MTA3: variants seen among roughly 807,000 people sequenced by gnomAD.
MTA3 encodes metastasis-associated protein MTA3.
In MTA3, 34 loss-of-function variants were observed where a neutral mutation model predicts 83.5. The ratio of observed to expected loss-of-function variants is 0.41; its 90% CI spans 0.31 to 0.54. The LOEUF (loss-of-function observed/expected upper bound fraction) is 0.54, where lower values mean the gene tolerates loss of function less well. Ranked by LOEUF, MTA3 falls within the 20% of genes least tolerant of loss-of-function variation. The probability of loss-of-function intolerance (pLI) is 0.33; values close to 1 mark genes in which losing one functional copy is unlikely to be tolerated. For synonymous variants in MTA3, 303 were observed against 252.7 expected (o/e 1.20, Z -1.89); for missense variants, 761 against 726.4 (o/e 1.05, Z -0.55).
chr2:42,677,703 C>T (rs1691510126), intron 8 of MTA3, among the ~76,000 whole-genome samples: 1 of 152,100 alleles, frequency 6.6e-6, no homozygotes, highest in Non-Finnish European at 1.5e-5. Flanking sequence ...CTGCTGCCAT[C>T]TATGTAAGAC....
chr2:42,647,150 CTG>C (rs1688276905), intron 6 of MTA3, among the ~76,000 whole-genome samples: 1 of 11,582 alleles, frequency 8.6e-5, no homozygotes, highest in African/African-American at 1.2e-3. Context: ...GAGTGAGACT[CTG>C]TCTAAAAAAA....
At chr2:42,665,344 A>T (rs976721938) in intron 8 of MTA3, among the ~76,000 whole-genome samples, 1 of 152,174 alleles carries the variant, frequency 6.6e-6, no homozygotes, top group Non-Finnish European at 1.5e-5. Flanking sequence ...GTGATCCGAG[A>T]TTGTGCCACT....
At chr2:42,561,480 G>A (rs866837686) in intron 2 of MTA3, among the ~76,000 whole-genome samples, 10 of 152,006 alleles carry the variant, frequency 6.6e-5, no homozygotes, top group African/African-American at 2.2e-4. Context: ...CTGCCACCAC[G>A]CCTGACTAAT....
At chr2:42,507,058 G>T (rs556979786) in intron 2 of MTA3, among the ~76,000 whole-genome samples, 1 of 152,026 alleles carries the variant, frequency 6.6e-6, no homozygotes, top group African/African-American at 2.4e-5. Flanking sequence ...GCGTGATCAC[G>T]CTTGGCTAAT....
At chr2:42,695,634 CAAAAAAAAAAAAAAAA>C (rs70963347) in intron 9 of MTA3, 115 bp from the exon 10 acceptor site, 3 of 130,152 alleles carry the variant, frequency 2.3e-5, no homozygotes, top group East Asian at 5.3e-4. Context: ...CAGTCTATCT[CAAAAAAAAAAAAAAAA>C]AAAAAAAAAA....
At chr2:42,678,151 T>C (rs1325774595) in intron 8 of MTA3, among the ~76,000 whole-genome samples, 3 of 152,048 alleles carry the variant, frequency 2.0e-5, no homozygotes, top group African/African-American at 4.8e-5. Flanking sequence ...TTTGTTTTTT[T>C]TTTTCAACCT....
intron 7 of MTA3, among the ~76,000 whole-genome samples, chr2:42,656,541 A>G (rs980477696): frequency 6.6e-6 from 1 of 152,220 alleles, no homozygotes; most frequent in Non-Finnish European, 1.5e-5. Flanking sequence ...TAAAGAAGAA[A>G]TTCTTTATAC....
chr2:42,714,677 A>G (rs146991135), intron 14 of MTA3, among the ~76,000 whole-genome samples: 1,755 of 152,330 alleles, frequency 0.012, 16 homozygotes, highest in Non-Finnish European at 0.019. Flanking sequence ...CCTTTTTGGT[A>G]CCAGGGACAG....
chr2:42,644,058 A>T, intron 5 of MTA3, 69 bp from the exon 6 acceptor site: 1 of 942,738 alleles, frequency 1.1e-6, no homozygotes, highest in Non-Finnish European at 1.6e-6. Context: ...TTGTAGCAAC[A>T]TTGATTTTAA....
chr2:42,740,003 A>T (rs890282490), intron 16 of MTA3, among the ~76,000 whole-genome samples: 1 of 152,198 alleles, frequency 6.6e-6, no homozygotes, highest in Admixed American at 6.5e-5. Context: ...TTTCAAAGTT[A>T]TCCATGAGGG....
intron 10 of MTA3, among the ~76,000 whole-genome samples, chr2:42,696,813 A>C (rs1370825569): frequency 6.6e-6 from 1 of 152,226 alleles, no homozygotes. Flanking sequence ...ATAGATACTC[A>C]TGGCTTGTTG....
intron 2 of MTA3, among the ~76,000 whole-genome samples, chr2:42,557,440 G>A (rs1314974567): frequency 1.3e-5 from 2 of 152,170 alleles, no homozygotes; most frequent in Non-Finnish European, 2.9e-5. Flanking sequence ...CCAATGACAG[G>A]TTTTGGCTGG....
intron 16 of MTA3, among the ~76,000 whole-genome samples, chr2:42,729,756 A>ATAGCTTTGGCCCTTTTGTTCAGG (rs1668119251): frequency 6.6e-6 from 1 of 152,024 alleles, no homozygotes; most frequent in African/African-American, 2.4e-5. Flanking sequence ...TTTTGTTCAG[A>ATAGCTTTGGCCCTTTTGTTCAGG]ATAGCTTTGG....
chr2:42,637,834 T>G (rs559798167), intron 4 of MTA3, among the ~76,000 whole-genome samples: 2 of 152,286 alleles, frequency 1.3e-5, no homozygotes, highest in East Asian at 1.9e-4. Context: ...AATAAAGGTT[T>G]TATAATTTAA....
chr2:42,610,534 C>T (rs1051416054), intron 4 of MTA3, among the ~76,000 whole-genome samples: 8 of 152,064 alleles, frequency 5.3e-5, no homozygotes, highest in African/African-American at 1.4e-4. Flanking sequence ...AAAACCTAGC[C>T]CCTTGTTTGT....
At chr2:42,605,077 C>A (rs1573206430) in intron 3 of MTA3, among the ~76,000 whole-genome samples, 1 of 151,006 alleles carries the variant, frequency 6.6e-6, no homozygotes, top group Non-Finnish European at 1.5e-5. Flanking sequence ...TCATCCTGGC[C>A]CGTTCTCAAT....
intron 2 of MTA3, among the ~76,000 whole-genome samples, chr2:42,521,022 T>C (rs1675404980): frequency 6.6e-6 from 1 of 152,194 alleles, no homozygotes; most frequent in South Asian, 2.1e-4. Context: ...TGGGGCTTCC[T>C]GTGGTAGGCA....
At chr2:42,658,357 G>A (rs980473346) in intron 7 of MTA3, among the ~76,000 whole-genome samples, 3 of 152,088 alleles carry the variant, frequency 2.0e-5, no homozygotes, top group Non-Finnish European at 2.9e-5. Flanking sequence ...CAAAAGATAC[G>A]TATACAAATG....
chr2:42,549,206 T>C (rs1490794733), intron 2 of MTA3, among the ~76,000 whole-genome samples: 1 of 136,696 alleles, frequency 7.3e-6, no homozygotes, highest in African/African-American at 2.7e-5. Context: ...ATGTATATAA[T>C]ATATTATATT....
Sources: gnomAD v4.1 joint callset for allele counts (sites outside exome capture counted in the v4.1 genomes callset) on GRCh38, gnomAD v4.1.1 for gene constraint, MANE v1.5 for transcripts, NCBI Gene and HGNC (gene_info 2026-07-23, HGNC 2026-07-21) for gene names.